Variants in ZNF804A observed in about 807,000 individuals in gnomAD.
The protein encoded by ZNF804A is zinc finger protein 804A.
ZNF804A carries 2 observed loss-of-function variants against 16.5 expected under a neutral mutation model. The ratio of observed to expected loss-of-function variants is 0.12; its 90% CI spans 0.05 to 0.38. ZNF804A has a LOEUF of 0.38. Ranked by LOEUF, ZNF804A falls within the 10% of genes least tolerant of loss-of-function variation. The probability of loss-of-function intolerance (pLI) is 0.99; values close to 1 mark genes in which losing one functional copy is unlikely to be tolerated. For synonymous variants in ZNF804A, 534 were observed against 489.6 expected (o/e 1.09, Z -1.20); for missense variants, 1,473 against 1,390.7 (o/e 1.06, Z -0.94).
intron 2 of ZNF804A, among the ~76,000 whole-genome samples, chr2:184,912,305 C>T (rs78773484): frequency 0.015 from 2,287 of 151,992 alleles, 26 homozygotes; most frequent in Admixed American, 0.031. Flanking sequence ...GTGGTGTATC[C>T]AAGTTGTATA....
intron 1 of ZNF804A, among the ~76,000 whole-genome samples, chr2:184,765,763 G>A (rs190019006): frequency 3.2e-4 from 48 of 152,142 alleles, no homozygotes; most frequent in African/African-American, 1.1e-3. Context: ...GGCTCGTCCT[G>A]CTACAGTAAG....
chr2:184,646,711 A>T (rs1691881009), intron 1 of ZNF804A, among the ~76,000 whole-genome samples: 1 of 152,226 alleles, frequency 6.6e-6, no homozygotes, highest in Non-Finnish European at 1.5e-5. Flanking sequence ...CTCCTTGATT[A>T]GGAATTTAGA....
At chr2:184,736,661 G>A (rs1693618785) in intron 1 of ZNF804A, among the ~76,000 whole-genome samples, 1 of 151,954 alleles carries the variant, frequency 6.6e-6, no homozygotes, top group South Asian at 2.1e-4. Context: ...GTATACCTAT[G>A]TAAGAAACCT....
chr2:184,703,526 TAA>T (rs1692962197), intron 1 of ZNF804A, among the ~76,000 whole-genome samples: 1 of 151,200 alleles, frequency 6.6e-6, no homozygotes, highest in African/African-American at 2.4e-5. Context: ...CCGTCTCTAC[TAA>T]AACACAAAAA....
intron 1 of ZNF804A, among the ~76,000 whole-genome samples, chr2:184,776,391 T>C (rs1694285005): frequency 6.6e-6 from 1 of 151,522 alleles, no homozygotes; most frequent in South Asian, 2.1e-4. Context: ...CTACTATAAA[T>C]TTTGTTTTAT....
At chr2:184,886,997 A>C (rs1684901954) in intron 2 of ZNF804A, among the ~76,000 whole-genome samples, 1 of 152,210 alleles carries the variant, frequency 6.6e-6, no homozygotes, top group South Asian at 2.1e-4. Context: ...CCAGAAAACG[A>C]GATTTTCCTT....
At chr2:184,703,473 C>T (rs762241051) in intron 1 of ZNF804A, among the ~76,000 whole-genome samples, 15 of 151,674 alleles carry the variant, frequency 9.9e-5, no homozygotes, top group African/African-American at 1.5e-4. Flanking sequence ...GAGGCCGAGG[C>T]GGGCAGATCA....
At chr2:184,708,174 T>C (rs1326994629) in intron 1 of ZNF804A, among the ~76,000 whole-genome samples, 1 of 152,100 alleles carries the variant, frequency 6.6e-6, no homozygotes, top group African/African-American at 2.4e-5. Context: ...TATAGGTCCT[T>C]TGTCAGATGC....
chr2:184,877,579 T>C (rs1210120107), intron 2 of ZNF804A, among the ~76,000 whole-genome samples: 1 of 152,076 alleles, frequency 6.6e-6, no homozygotes, highest in Non-Finnish European at 1.5e-5. Context: ...TTGCTCTCTG[T>C]GGTAAGAGAT....
chr2:184,630,078 T>C (rs1472284904), intron 1 of ZNF804A, among the ~76,000 whole-genome samples: 2 of 152,174 alleles, frequency 1.3e-5, no homozygotes, highest in Non-Finnish European at 2.9e-5. Flanking sequence ...ATGAGTTCTT[T>C]ACTGCTTAGT....
intron 1 of ZNF804A, among the ~76,000 whole-genome samples, chr2:184,604,415 C>T (rs1397967092): frequency 5.9e-5 from 9 of 151,874 alleles, no homozygotes; most frequent in Non-Finnish European, 5.9e-5. Flanking sequence ...CCTCATGATC[C>T]GCCAGCCTCA....
rs1038934212 is a variant in ZNF804A, at chr2:184,723,275, A to G, written c.111+124205A>G. Among the ~76,000 whole-genome samples the G allele has an allele frequency of 2.0e-5, 3 of 151,960 alleles. No homozygotes were observed. In the South Asian group the frequency reaches 6.2e-4, roughly 32 times the overall value. Reference sequence around the variant, plus strand: ...AAATTTTAAAATATCTAAATTACTGACTCATATCACATAATTAGCAACAGG... The same window carrying G: ...AAATTTTAAAATATCTAAATTACTGGCTCATATCACATAATTAGCAACAGG... On this transcript the variant is annotated intron_variant, in intron 1 of 3. Transcript: ENST00000302277.
rs188061212 is a variant in ZNF804A, at chr2:184,865,427, T to C, written c.112-942T>C. Among the ~76,000 whole-genome samples the C allele has an allele frequency of 1.1e-4, 16 of 152,098 alleles. 1 individual carries two copies. Among genetic ancestry groups the C allele is most frequent in the Admixed American group, 2.6e-4 (4 of 15,278 alleles). On this transcript the variant is annotated intron_variant, in intron 1 of 3. Transcript: ENST00000302277. Reference sequence around the variant, plus strand: ...GAGGGGCTCAGATTGCTTCCACTTATGGCAGAAGGAGAAGGGGAACCAACA... The same window carrying C: ...GAGGGGCTCAGATTGCTTCCACTTACGGCAGAAGGAGAAGGGGAACCAACA...
At chr2:184,677,154 G>T (rs1276705410) in intron 1 of ZNF804A, among the ~76,000 whole-genome samples, 1 of 151,844 alleles carries the variant, frequency 6.6e-6, no homozygotes, top group East Asian at 1.9e-4. Context: ...GAATCAATGT[G>T]CTTAAACTGT....
At chr2:184,762,428 A>C (rs1184878001) in intron 1 of ZNF804A, among the ~76,000 whole-genome samples, 1 of 151,934 alleles carries the variant, frequency 6.6e-6, no homozygotes, top group Non-Finnish European at 1.5e-5. Flanking sequence ...CATATCTTTC[A>C]AGAAGAATTA....
intron 1 of ZNF804A, among the ~76,000 whole-genome samples, chr2:184,609,525 G>A (rs1266879091): frequency 1.3e-5 from 2 of 152,190 alleles, no homozygotes; most frequent in Admixed American, 6.5e-5. Context: ...TAGACTGGGT[G>A]GCTTAAACAA....
chr2:184,634,190 CTTT>C (rs753493729), intron 1 of ZNF804A, among the ~76,000 whole-genome samples: 1 of 152,132 alleles, frequency 6.6e-6, no homozygotes, highest in African/African-American at 2.4e-5. Context: ...TATGTCAAAA[CTTT>C]TTTTCATTAT....
intron 1 of ZNF804A, among the ~76,000 whole-genome samples, chr2:184,855,008 A>G (rs1321611880): frequency 1.3e-5 from 2 of 152,098 alleles, no homozygotes; most frequent in South Asian, 2.1e-4. Flanking sequence ...AAATTCATCA[A>G]TGTATTTCCC....
intron 1 of ZNF804A, among the ~76,000 whole-genome samples, chr2:184,693,820 A>C (rs930711148): frequency 6.6e-6 from 1 of 152,052 alleles, no homozygotes; most frequent in Non-Finnish European, 1.5e-5. Context: ...GCTTGGCGTC[A>C]GTGAACATCA....
Sources: allele counts gnomAD v4.1 joint callset (sites outside exome capture counted in the v4.1 genomes callset), GRCh38; gene constraint gnomAD v4.1.1; transcripts MANE v1.5; gene names NCBI Gene and HGNC (gene_info 2026-07-23, HGNC 2026-07-21).